ERBB4: variants seen among roughly 807,000 people sequenced by gnomAD.
ERBB4 encodes erb-b2 receptor tyrosine kinase 4, also known as receptor tyrosine-protein kinase erbB-4.
In ERBB4, 42 loss-of-function variants were observed where a neutral mutation model predicts 158.0. The observed-to-expected ratio is 0.27, with a 90% CI of 0.21 to 0.34. ERBB4 has a LOEUF of 0.34. Among genes scored for constraint, ERBB4 ranks in the 10% least tolerant of loss-of-function variants. ERBB4 has a pLI of 1.00. For missense variants in ERBB4, 1,333 were observed against 1,624.1 expected (o/e 0.82, Z 3.08); for synonymous variants, 583 against 558.7 (o/e 1.04, Z -0.61).
intron 1 of ERBB4, among the ~76,000 whole-genome samples, chr2:212,377,665 A>T (rs2090370654): frequency 6.6e-6 from 1 of 151,922 alleles, no homozygotes; most frequent in South Asian, 2.1e-4. Context: ...GTGGTGAGTA[A>T]ATGTGAAGGC....
At chr2:211,982,922 T>C (rs1317969644) in intron 2 of ERBB4, among the ~76,000 whole-genome samples, 1 of 152,266 alleles carries the variant, frequency 6.6e-6, no homozygotes, top group Non-Finnish European at 1.5e-5. Flanking sequence ...TATGTATGTC[T>C]ATCCTTTACA....
At chr2:211,627,603 G>A (rs2069912497) in intron 17 of ERBB4, among the ~76,000 whole-genome samples, 1 of 152,160 alleles carries the variant, frequency 6.6e-6, no homozygotes, top group East Asian at 1.9e-4. Flanking sequence ...CAAAATGTGT[G>A]AATGAATTAA....
At chr2:211,664,242 TC>T (rs2071534742) in intron 15 of ERBB4, among the ~76,000 whole-genome samples, 1 of 152,142 alleles carries the variant, frequency 6.6e-6, no homozygotes, top group African/African-American at 2.4e-5. Context: ...CCAACAGCTA[TC>T]CCTTAATCTG....
At chr2:212,388,323 G>A (rs1560185862) in intron 1 of ERBB4, among the ~76,000 whole-genome samples, 1 of 152,112 alleles carries the variant, frequency 6.6e-6, no homozygotes, top group Non-Finnish European at 1.5e-5. Flanking sequence ...TCTTCCTAAA[G>A]CATTTTATTT....
intron 1 of ERBB4, among the ~76,000 whole-genome samples, chr2:212,216,402 AT>A (rs1354974038): frequency 6.6e-5 from 10 of 151,356 alleles, no homozygotes; most frequent in Admixed American, 4.0e-4. Flanking sequence ...ATTTTTACTA[AT>A]AATGTGATAA....
intron 1 of ERBB4, among the ~76,000 whole-genome samples, chr2:212,306,678 T>C (rs1574645178): frequency 6.6e-6 from 1 of 150,488 alleles, no homozygotes; most frequent in Middle Eastern, 3.4e-3. Flanking sequence ...GCCCAGTTTC[T>C]GAATAAATTT....
In ERBB4 at chr2:211,777,445, C is replaced by T. The variant is rs148689707; in HGVS notation, c.556+10580G>A. ...TACCACTCTAAATCTGATTATTTAC[C>T]TTATCTTAACAACAACTGCATTTCT... On this transcript the variant is annotated intron_variant, in intron 4 of 27. Coordinates refer to ENST00000342788, the MANE Select transcript of ERBB4 (RefSeq NM_005235.3). 63 of 152,234 alleles carry T rather than the reference C, an allele frequency of 4.1e-4. No homozygotes were observed. In the East Asian group the frequency reaches 0.012, roughly 29 times the overall value. 9.4% of individuals were successfully genotyped at this position (152,234 alleles called of 1,614,324 possible).
chr2:211,903,338 AC>A (rs1478910250), intron 3 of ERBB4, among the ~76,000 whole-genome samples: 1 of 152,240 alleles, frequency 6.6e-6, no homozygotes, highest in East Asian at 1.9e-4. Context: ...CTACAGTTTA[AC>A]TAAATTTGAT....
chr2:212,193,214 G>C (rs1187904953), intron 1 of ERBB4, among the ~76,000 whole-genome samples: 1 of 152,066 alleles, frequency 6.6e-6, no homozygotes, highest in Non-Finnish European at 1.5e-5. Context: ...CAACTAATTT[G>C]CCATCTTGTC....
intron 1 of ERBB4, among the ~76,000 whole-genome samples, chr2:212,228,915 T>A (rs10166883): frequency 6.6e-6 from 1 of 152,180 alleles, no homozygotes; most frequent in Non-Finnish European, 1.5e-5. Flanking sequence ...TAAAAATTTA[T>A]GTATATGTGA....
At chr2:212,234,345 G>A (rs1230351717) in intron 1 of ERBB4, among the ~76,000 whole-genome samples, 1 of 152,104 alleles carries the variant, frequency 6.6e-6, no homozygotes, top group African/African-American at 2.4e-5. Context: ...GTATTCCATG[G>A]TGTATATGTG....
rs1027489905 is a variant in ERBB4 at position 211,892,770 on chromosome 2, A to G, written c.421+54660T>C. Among the ~76,000 whole-genome samples, 12 of 144,262 alleles carry G rather than the reference A, an allele frequency of 8.3e-5. 3 individuals are homozygous for G. The highest frequency in any genetic ancestry group is 3.3e-4 in the African/African-American group (12 of 36,654). The allele number at this position is 144,262 out of a possible 152,430, so 94.6% of individuals were successfully genotyped here. On this transcript the variant is annotated intron_variant, in intron 3 of 27. Transcript: ENST00000342788. ...AAGCATTCTTATACACCAACAACAGACAAACAGAGAGCCAAATCATGAGTG... is the reference window on the plus strand; with the variant it reads ...AAGCATTCTTATACACCAACAACAGGCAAACAGAGAGCCAAATCATGAGTG...
At chr2:212,484,604 G>C (rs780000286) in intron 1 of ERBB4, among the ~76,000 whole-genome samples, 10 of 152,100 alleles carry the variant, frequency 6.6e-5, no homozygotes, top group Non-Finnish European at 1.3e-4. Context: ...CATAATAAAA[G>C]TTATTTGACT....
chr2:212,464,552 T>C (rs993537087), intron 1 of ERBB4, among the ~76,000 whole-genome samples: 2 of 152,126 alleles, frequency 1.3e-5, no homozygotes, highest in Non-Finnish European at 2.9e-5. Context: ...TAATTTCCTA[T>C]TCTCATTTTC....
intron 20 of ERBB4, among the ~76,000 whole-genome samples, chr2:211,461,995 G>A (rs1182758280): frequency 2.0e-5 from 3 of 151,918 alleles, no homozygotes; most frequent in South Asian, 2.1e-4. Context: ...AAAATGCTCC[G>A]GTAATGGCAA....
intron 20 of ERBB4, among the ~76,000 whole-genome samples, chr2:211,553,351 T>C (rs1259120200): frequency 6.6e-6 from 1 of 152,158 alleles, no homozygotes; most frequent in Non-Finnish European, 1.5e-5. Context: ...AAAGCATATG[T>C]GGATGAGAGA....
chr2:212,452,491 G>T (rs2106028035), intron 1 of ERBB4, among the ~76,000 whole-genome samples: 1 of 152,242 alleles, frequency 6.6e-6, no homozygotes, highest in South Asian at 2.1e-4. Flanking sequence ...CAATATATAA[G>T]TCAGTGAAAT....
At chr2:212,359,686 T>A (rs1574764297) in intron 1 of ERBB4, among the ~76,000 whole-genome samples, 1 of 151,902 alleles carries the variant, frequency 6.6e-6, no homozygotes, top group East Asian at 1.9e-4. Flanking sequence ...TAATCATTAG[T>A]GCAATATTGT....
At chr2:212,132,927 C>T (rs1054528977) in intron 1 of ERBB4, among the ~76,000 whole-genome samples, 1 of 152,208 alleles carries the variant, frequency 6.6e-6, no homozygotes, top group South Asian at 2.1e-4. Flanking sequence ...ACATACACAA[C>T]TTCTTAATCT....
Sources: allele counts gnomAD v4.1 joint callset (sites outside exome capture counted in the v4.1 genomes callset), GRCh38; gene constraint gnomAD v4.1.1; transcripts MANE v1.5; gene names NCBI Gene and HGNC (gene_info 2026-07-23, HGNC 2026-07-21).